SEMA3A: variants seen among roughly 807,000 people sequenced by gnomAD.
The protein encoded by SEMA3A is semaphorin 3A.
Under a neutral mutation model 97.9 loss-of-function variants are expected in SEMA3A, and 29 were observed. The observed-to-expected ratio is 0.30, with a 90% CI of 0.22 to 0.40. The LOEUF (loss-of-function observed/expected upper bound fraction) is 0.40, where lower values mean the gene tolerates loss of function less well. Among genes scored for constraint, SEMA3A ranks in the 10% least tolerant of loss-of-function variants. The pLI is 1.00. For synonymous variants in SEMA3A, 321 were observed against 323.7 expected (o/e 0.99, Z 0.09); for missense variants, 763 against 951.3 (o/e 0.80, Z 2.60).
chr7:84,137,375 T>G (rs1584022173), intron 1 of SEMA3A, among the ~76,000 whole-genome samples: 1 of 135,858 alleles, frequency 7.4e-6, no homozygotes, highest in Non-Finnish European at 1.5e-5. Context: ...CACTCCAGCC[T>G]GGGTGACAGA....
intron 3 of SEMA3A, among the ~76,000 whole-genome samples, chr7:84,291,387 C>T (rs1055265390): frequency 1.3e-5 from 2 of 152,002 alleles, no homozygotes; most frequent in Non-Finnish European, 2.9e-5. Context: ...GTACAGAAAT[C>T]TTGGGATCAT....
intron 1 of SEMA3A, among the ~76,000 whole-genome samples, chr7:84,144,762 G>C (rs754074725): frequency 6.6e-6 from 1 of 152,098 alleles, no homozygotes; most frequent in Non-Finnish European, 1.5e-5. Flanking sequence ...AGGAAATAGA[G>C]CAGACATTCA....
chr7:84,134,708 TA>T, intron 2 of SEMA3A, 85 bp downstream of exon 2: 1 of 1,050,500 alleles, frequency 9.5e-7, no homozygotes, highest in Non-Finnish European at 1.3e-6. Context: ...TTTCTGTCAG[TA>T]ATCATGCTTT....
chr7:84,426,578 A>G (rs1026017845), intron 1 of SEMA3A, among the ~76,000 whole-genome samples: 2 of 152,098 alleles, frequency 1.3e-5, no homozygotes, highest in African/African-American at 4.8e-5. Context: ...TAAGAAGAAA[A>G]TGTTCTAGCA....
chr7:84,467,123 T>C lies in SEMA3A; in HGVS notation c.-246+25337A>G, dbSNP rs17159058. ...TGATTTACTCTTTAGCACAACCCCA[T>C]AAGAGAAAAAAAACCTAATCATCTT... On this transcript the variant is annotated intron_variant, in intron 1 of 3. Transcript: ENST00000424555. 0.013 allele frequency among the ~76,000 whole-genome samples: 2,051 copies of C among 152,102 alleles called. 93 individuals are homozygous for C. In the East Asian group the frequency reaches 0.16, roughly 12 times the overall value.
At position 84,067,318 on chromosome 7, in the gene SEMA3A, C is replaced by A. The variant is rs1408467931; in HGVS notation, c.454-6760G>T. Among the ~76,000 whole-genome samples, 9 of 152,036 alleles carry A rather than the reference C, an allele frequency of 5.9e-5. No homozygotes were observed. The East Asian group carries it at 1.7e-3, about 29-fold the overall frequency. On this transcript the variant is annotated intron_variant, in intron 4 of 16. Coordinates refer to ENST00000265362, the MANE Select transcript of SEMA3A (RefSeq NM_006080.3). The stretch of plus-strand genomic sequence containing the variant: ...ACGTTTGACCTAAAACCATAAAAAC[C>A]CTAGAAGAAAACCTAGGCATTACCA...
intron 4 of SEMA3A, among the ~76,000 whole-genome samples, chr7:84,063,760 G>A (rs1404555635): frequency 6.0e-5 from 9 of 149,550 alleles, no homozygotes; most frequent in Non-Finnish European, 1.3e-4. Flanking sequence ...CAAGAAATAT[G>A]GGACTATGTG....
chr7:84,239,721 G>C (rs773258110), intron 3 of SEMA3A, among the ~76,000 whole-genome samples: 14 of 152,042 alleles, frequency 9.2e-5, no homozygotes, highest in Non-Finnish European at 1.5e-5. Flanking sequence ...AGAGGACTTA[G>C]GACTTAAAGC....
chr7:84,333,238 A>T (rs1204927541), intron 2 of SEMA3A, among the ~76,000 whole-genome samples: 6 of 152,142 alleles, frequency 3.9e-5, no homozygotes, highest in Admixed American at 1.3e-4. Context: ...AAACTTTGAG[A>T]TCTCCATTGA....
intron 1 of SEMA3A, among the ~76,000 whole-genome samples, chr7:84,136,882 C>G (rs985292607): frequency 6.6e-6 from 1 of 151,376 alleles, no homozygotes; most frequent in African/African-American, 2.4e-5. Flanking sequence ...GCCTTACTCC[C>G]TACCCCACCC....
intron 12 of SEMA3A, among the ~76,000 whole-genome samples, chr7:83,992,783 G>A (rs569361315): frequency 6.0e-4 from 91 of 152,084 alleles, no homozygotes; most frequent in African/African-American, 1.8e-3. Context: ...TGCCGAAAAA[G>A]TGTATATTCT....
At chr7:84,291,689 G>T (rs1800751348) in intron 3 of SEMA3A, among the ~76,000 whole-genome samples, 1 of 152,052 alleles carries the variant, frequency 6.6e-6, no homozygotes, top group Non-Finnish European at 1.5e-5. Context: ...AATAGAAGAT[G>T]ATTTTCTCCC....
rs865990948 is a variant in SEMA3A at position 83,995,155 on chromosome 7, A to G, written c.1452+6800T>C. On this transcript the variant is annotated intron_variant, in intron 12 of 16. Coordinates refer to ENST00000265362, the MANE Select transcript of SEMA3A (RefSeq NM_006080.3). ...CCCCTTGCGCTTCCCAAGTGAGGCA[A>G]TGCCTCACCCTGCTTCGGCTCGCGC... 3.6e-4 allele frequency among the ~76,000 whole-genome samples: 55 copies of G among 152,242 alleles called. 1 individual carries two copies. The highest frequency in any genetic ancestry group is 1.3e-3 in the African/African-American group (53 of 41,552).
At chr7:83,983,989 G>T (rs891208828) in intron 13 of SEMA3A, among the ~76,000 whole-genome samples, 1 of 152,066 alleles carries the variant, frequency 6.6e-6, no homozygotes, top group African/African-American at 2.4e-5. Flanking sequence ...ATTTCTTCCA[G>T]TAATGGAAAA....
At chr7:84,248,208 T>A (rs1331846669) in intron 3 of SEMA3A, among the ~76,000 whole-genome samples, 1 of 152,226 alleles carries the variant, frequency 6.6e-6, no homozygotes, top group Admixed American at 6.5e-5. Flanking sequence ...CATGTTGATA[T>A]TTTCCCTCAA....
In SEMA3A at chr7:84,075,026, T is replaced by C. The variant is rs538735535; in HGVS notation, c.454-14468A>G. The stretch of plus-strand genomic sequence containing the variant: ...TCTAGGCTAGAATTTTTTTTACTGA[T>C]TAAAACCTCTGTTTCTAGAGAATCT... On this transcript the variant is annotated intron_variant, in intron 4 of 16. Coordinates refer to ENST00000265362, the MANE Select transcript of SEMA3A (RefSeq NM_006080.3). Among the ~76,000 whole-genome samples, 298 of 152,248 alleles carry C rather than the reference T, an allele frequency of 2.0e-3. 1 individual carries two copies. The highest frequency in any genetic ancestry group is 6.7e-3 in the African/African-American group (278 of 41,550).
At chr7:84,074,033 C>A (rs1004960415) in intron 4 of SEMA3A, among the ~76,000 whole-genome samples, 7 of 152,192 alleles carry the variant, frequency 4.6e-5, no homozygotes, top group Admixed American at 1.3e-4. Flanking sequence ...TTTACATCTG[C>A]TTTTATTCTT....
intron 4 of SEMA3A, among the ~76,000 whole-genome samples, chr7:84,070,318 A>G (rs1458531003): frequency 6.6e-6 from 1 of 152,146 alleles, no homozygotes; most frequent in Non-Finnish European, 1.5e-5. Context: ...CCTGAATGTT[A>G]TTAGACTGTG....
chr7:84,085,241 A>ATTTT (rs34047125), intron 4 of SEMA3A, among the ~76,000 whole-genome samples: 4,415 of 150,904 alleles, frequency 0.029, 82 homozygotes, highest in Non-Finnish European at 0.044. Flanking sequence ...TTGGAATGAG[A>ATTTT]TTTTTTTTTC....
Sources: allele counts gnomAD v4.1 joint callset (sites outside exome capture counted in the v4.1 genomes callset), GRCh38; gene constraint gnomAD v4.1.1; transcripts MANE v1.5; gene names NCBI Gene and HGNC (gene_info 2026-07-23, HGNC 2026-07-21).